SMIM41: variants seen among roughly 807,000 people sequenced by gnomAD.
SMIM41 encodes the protein small integral membrane protein 41.
At chr12:52,091,622 C>A (rs184769173) in intron 2 of SMIM41, among the ~76,000 whole-genome samples, 14 of 152,264 alleles carry the variant, frequency 9.2e-5, no homozygotes, top group Admixed American at 9.1e-4. Context: ...ACATGGAGGA[C>A]CATGGAGAAA....
intron 2 of SMIM41, among the ~76,000 whole-genome samples, chr12:52,089,237 C>G (rs1939943389): frequency 6.6e-6 from 1 of 152,040 alleles, no homozygotes; most frequent in Admixed American, 6.6e-5. Flanking sequence ...GACATTTATT[C>G]TCTGATAGTT....
intron 2 of SMIM41, among the ~76,000 whole-genome samples, chr12:52,090,613 A>G: frequency 6.6e-6 from 1 of 152,184 alleles, no homozygotes; most frequent in East Asian, 1.9e-4. Flanking sequence ...TGGGTCTTCT[A>G]TGGAGAGCCA....
At chr12:52,104,679 G>T (rs1480968554) in intron 2 of SMIM41, among the ~76,000 whole-genome samples, 2 of 150,526 alleles carry the variant, frequency 1.3e-5, no homozygotes, top group Non-Finnish European at 1.5e-5. Context: ...TGGTCGGGGG[G>T]GGGCGGTCTC....
chr12:52,079,925 G>T lies in SMIM41; in HGVS notation c.146G>T (p.Cys49Phe), dbSNP rs1939792790. The T allele has an allele frequency of 7.7e-6, 3 of 387,826 alleles. No individual in the cohort carries two copies. Among genetic ancestry groups the T allele is most frequent in the Non-Finnish European group, 1.4e-5 (3 of 219,082 alleles). 24.0% of individuals were successfully genotyped at this position (387,826 alleles called of 1,614,324 possible). ...GGCGTGCTGTCCCTGCTGGTGCTTTGCGGGGTCCTGTTCCTGGGCGGCGGC... is the reference window on the plus strand; with the variant it reads ...GGCGTGCTGTCCCTGCTGGTGCTTTTCGGGGTCCTGTTCCTGGGCGGCGGC... ...VLGVLSLLVL[C>F]GVLFLGGGLL... Residue 49 changes from cysteine to phenylalanine, a missense_variant, in exon 1 of 3, where the codon TGC (cysteine) becomes TTC (phenylalanine). Coordinates refer to ENST00000546390, the MANE Select transcript of SMIM41 (RefSeq NM_001369216.1).
At chr12:52,103,477 G>A (rs1190721002) in intron 2 of SMIM41, among the ~76,000 whole-genome samples, 1 of 151,630 alleles carries the variant, frequency 6.6e-6, no homozygotes, top group Non-Finnish European at 1.5e-5. Context: ...GGATAAACAC[G>A]ACCAGACTCA....
chr12:52,100,622 ATTTT>A (rs1173057236), intron 2 of SMIM41, among the ~76,000 whole-genome samples: 12 of 111,128 alleles, frequency 1.1e-4, no homozygotes, highest in African/African-American at 4.2e-4. Context: ...GCGCCCAGCT[ATTTT>A]TTTTTTTTTT....
At position 52,086,825 on chromosome 12, in the gene SMIM41, A is replaced by T. The variant is rs141866509; in HGVS notation, c.*195+2857A>T. Among the ~76,000 whole-genome samples the T allele has an allele frequency of 4.4e-4, 67 of 152,240 alleles. No homozygotes were observed. The East Asian group carries it at 9.7e-3, about 22-fold the overall frequency. ...TCCGGCTGCCCCACTTCCAGTGTAG[A>T]TTGCTTGGCTCATTACCTCAGTCAC... On this transcript the variant is annotated intron_variant, in intron 2 of 2. Transcript: ENST00000546390.
At chr12:52,091,697 G>T (rs960722528) in intron 2 of SMIM41, among the ~76,000 whole-genome samples, 1 of 152,212 alleles carries the variant, frequency 6.6e-6, no homozygotes, top group South Asian at 2.1e-4. Flanking sequence ...ATCATAGAGT[G>T]GGGAGGAGGG....
intron 2 of SMIM41, among the ~76,000 whole-genome samples, chr12:52,084,389 C>A (rs202106216): frequency 6.7e-6 from 1 of 149,674 alleles, no homozygotes; most frequent in Non-Finnish European, 1.5e-5. Flanking sequence ...AAAAAACAAA[C>A]AAAAAAAAAC....
Position 52,080,016 on chromosome 12 carries a change from C to A in SMIM41, c.237C>A (p.Pro79=). 2.7e-6 allele frequency: 1 copy of A among 372,654 alleles called. No individual in the cohort carries two copies. Among genetic ancestry groups the A allele is most frequent in the Non-Finnish European group, 4.8e-6 (1 of 209,190 alleles). 23.1% of individuals were successfully genotyped at this position (372,654 alleles called of 1,614,324 possible). ...GCGAGCAGCGCGCGTCCCGCGAGCC[C>A]GAGCCGGGCAGTGCCAGCGGAGAGG... ...LTREQRASRE[P]EPGSASGEDG... is the part of the protein sequence containing the mutation. The change falls in exon 1 of 3, where the codon CCC becomes CCA. Residue 79 remains proline (P), a synonymous_variant. Transcript: ENST00000546390.
In SMIM41 at chr12:52,108,227, TAA is replaced by T. The variant is rs1243315504; in HGVS notation, c.*1047_*1048del. 5.5e-6 allele frequency: 1 copy of T among 180,896 alleles called. No individual in the cohort carries two copies. The highest frequency in any genetic ancestry group is 2.4e-5 in the African/African-American group (1 of 41,810). 11.2% of individuals were successfully genotyped at this position (180,896 alleles called of 1,614,324 possible). A position where few individuals can be genotyped will look rare whatever the true frequency, so the allele number is the denominator to read the frequency against. ...TCTACAGCCTGGGAAACAGGGATAT[TAA>T]AAGTGTCTTGCGGCGGCCGCACGGC... On this transcript the variant is annotated 3_prime_UTR_variant, in exon 3 of 3. Transcript: ENST00000546390.
chr12:52,094,590 C>G (rs1319958185), intron 2 of SMIM41: 1 of 152,512 alleles, frequency 6.6e-6, no homozygotes, highest in South Asian at 2.1e-4. Flanking sequence ...GCCTCTGTAC[C>G]CCCTGGGATG....
intron 2 of SMIM41, among the ~76,000 whole-genome samples, chr12:52,099,561 C>T (rs564012307): frequency 1.3e-4 from 20 of 152,092 alleles, no homozygotes; most frequent in Non-Finnish European, 2.8e-4. Flanking sequence ...CTCTCCTCCA[C>T]GGTTTTTAGA....
intron 1 of SMIM41, among the ~76,000 whole-genome samples, chr12:52,080,520 GGA>G (rs1939802913): frequency 6.6e-6 from 1 of 152,208 alleles, no homozygotes; most frequent in Admixed American, 6.5e-5. Context: ...GGATGACAGA[GGA>G]GAGAGTCTGG....
rs1939791983 is a variant in SMIM41, at chr12:52,079,880, C to T, written c.101C>T (p.Ala34Val). The change falls in exon 1 of 3, where the codon GCG (alanine) becomes GTG (valine). Residue 34 changes from alanine (A) to valine (V), a missense_variant. Physicochemically the swap from Ala to Val is moderately conservative, Grantham distance 64. Coordinates refer to ENST00000546390, the MANE Select transcript of SMIM41 (RefSeq NM_001369216.1). ...CCGGAGCCCCCCGAGGGGCCGCGCG[C>T]GGTGCAGGCGGTGGTGCTCGGCGTG... is the stretch of plus-strand genomic sequence containing the variant. ...SPPEPPEGPR[A>V]VQAVVLGVLS... is the part of the protein sequence containing the mutation. 1 of 390,272 alleles carries T rather than the reference C, an allele frequency of 2.6e-6. No homozygotes were observed. Among genetic ancestry groups the T allele is most frequent in the Non-Finnish European group, 4.5e-6 (1 of 220,612 alleles). 24.2% of individuals were successfully genotyped at this position (390,272 alleles called of 1,614,324 possible).
At chr12:52,098,915 A>G (rs1940159806) in intron 2 of SMIM41, among the ~76,000 whole-genome samples, 1 of 151,828 alleles carries the variant, frequency 6.6e-6, no homozygotes, top group Admixed American at 6.6e-5. Context: ...ACCCTTTGCG[A>G]TATTGAGAGT....
At position 52,079,764 on chromosome 12, in the gene SMIM41, C is replaced by T. The variant is rs995381718; in HGVS notation, c.-16C>T. 21 of 392,974 alleles carry T rather than the reference C, an allele frequency of 5.3e-5. No homozygotes were observed. Among genetic ancestry groups the T allele is most frequent in the Non-Finnish European group, 9.0e-5 (20 of 222,290 alleles). 24.3% of individuals were successfully genotyped at this position (392,974 alleles called of 1,614,324 possible). A position where few individuals can be genotyped will look rare whatever the true frequency, so the allele number is the denominator to read the frequency against. On this transcript the variant is annotated 5_prime_UTR_variant, in exon 1 of 3. Transcript: ENST00000546390. ...ATCTGGCGATCCCGCCACATCTGGG[C>T]AGCCGGCGCTGGAGCATGAACGGCT... is the stretch of plus-strand genomic sequence containing the variant.
intron 2 of SMIM41, among the ~76,000 whole-genome samples, chr12:52,106,154 T>G (rs1940335111): frequency 6.6e-6 from 1 of 152,258 alleles, no homozygotes; most frequent in African/African-American, 2.4e-5. Context: ...TTTGTCCTTA[T>G]CTCAGTAAGT....
chr12:52,091,721 G>A (rs1940007317), intron 2 of SMIM41, among the ~76,000 whole-genome samples: 1 of 152,208 alleles, frequency 6.6e-6, no homozygotes, highest in Non-Finnish European at 1.5e-5. Flanking sequence ...AACTGTAGAT[G>A]TATGATAGCT....
Sources: gnomAD v4.1 joint callset for allele counts (sites outside exome capture counted in the v4.1 genomes callset) on GRCh38, gnomAD v4.1.1 for gene constraint, MANE v1.5 for transcripts, NCBI Gene and HGNC (gene_info 2026-07-23, HGNC 2026-07-21) for gene names.